Variants in LARP4B observed in about 807,000 individuals in gnomAD.
LARP4B encodes la-related protein 4B.
In LARP4B, 12 loss-of-function variants were observed where a neutral mutation model predicts 89.8. That is an observed-to-expected ratio of 0.13 (90% CI 0.09 to 0.22). The LOEUF (loss-of-function observed/expected upper bound fraction) is 0.22, where lower values mean the gene tolerates loss of function less well. Ranked by LOEUF, LARP4B falls within the 10% of genes least tolerant of loss-of-function variation. LARP4B has a pLI of 1.00. For missense variants in LARP4B, 757 were observed against 947.7 expected, an observed-to-expected ratio of 0.80 and a Z score of 2.64; for synonymous variants, 367 against 363.3, an observed-to-expected ratio of 1.01 and a Z score of -0.12.
At chr10:870,119 T>C (rs1444994360) in intron 3 of LARP4B, 1 of 801,894 alleles carries the variant, frequency 1.2e-6, no homozygotes, top group Non-Finnish European at 1.5e-6. Context: ...CTGTGGCTTA[T>C]GGTGCAGATC....
At chr10:865,378 G>A (rs954355895) in intron 3 of LARP4B, among the ~76,000 whole-genome samples, 2 of 152,126 alleles carry the variant, frequency 1.3e-5, no homozygotes, top group Non-Finnish European at 2.9e-5. Context: ...AGTCCCACAG[G>A]GCAGTCCTCT....
chr10:853,158 A>T (rs1171508091), intron 5 of LARP4B, among the ~76,000 whole-genome samples: 4 of 152,210 alleles, frequency 2.6e-5, no homozygotes, highest in Admixed American at 6.5e-5. Flanking sequence ...CAGAGTTGGA[A>T]GGCTATCACT....
the LARP4B span, among the ~76,000 whole-genome samples, chr10:977,497 C>A: frequency 1.8e-4 from 27 of 151,558 alleles, no homozygotes; most frequent in African/African-American, 6.3e-4. Flanking sequence ...CAAGATAGTG[C>A]CACTGCACTC....
At chr10:909,363 A>C (rs545088039) in intron 1 of LARP4B, among the ~76,000 whole-genome samples, 1 of 152,090 alleles carries the variant, frequency 6.6e-6, no homozygotes, top group South Asian at 2.1e-4. Flanking sequence ...CAAGCACAGA[A>C]TCCAACAACA....
At chr10:874,661 G>A (rs998533812) in intron 3 of LARP4B, among the ~76,000 whole-genome samples, 1 of 152,288 alleles carries the variant, frequency 6.6e-6, no homozygotes, top group Admixed American at 6.5e-5. Flanking sequence ...AATTCTTTTA[G>A]TTCCTCTGCA....
chr10:820,752 A>C, intron 14 of LARP4B, 48 bp downstream of exon 14: 1 of 1,479,678 alleles, frequency 6.8e-7, no homozygotes, highest in Non-Finnish European at 9.4e-7. Flanking sequence ...GTTTGGTATA[A>C]ATTAGATTTA....
In LARP4B at chr10:863,879, C is replaced by T. The variant is rs759836355; in HGVS notation, c.294G>A (p.Ser98=). 30 of 1,609,750 alleles carry T rather than the reference C, an allele frequency of 1.9e-5. No homozygotes were observed. The highest frequency in any genetic ancestry group is 8.9e-5 in the South Asian group (8 of 90,068). Residue 98 remains serine (S), a synonymous_variant, in exon 5 of 18, where the codon TCG becomes TCA. Coordinates refer to ENST00000316157, the MANE Select transcript of LARP4B (RefSeq NM_015155.3). ...CCTGGTCACCATCACCATTGGCATC[C>T]GATCCTACAATTAGGAGTTTACCCC... is the stretch of plus-strand genomic sequence containing the variant. ...GHHADRGPQG[S]DANGDGDQGH... is the part of the protein sequence containing the mutation.
intron 1 of LARP4B, among the ~76,000 whole-genome samples, chr10:895,710 G>A (rs184798930): frequency 1.3e-5 from 2 of 150,182 alleles, no homozygotes; most frequent in East Asian, 3.9e-4. Context: ...AGAAACGAAT[G>A]CAGTATGTTA....
the LARP4B span, chr10:988,164 T>G: frequency 3.1e-6 from 1 of 318,108 alleles, no homozygotes; most frequent in Non-Finnish European, 5.9e-6. Flanking sequence ...CTGAACCCGC[T>G]CCAGAAACCC....
At chr10:951,503 G>A in the LARP4B span, among the ~76,000 whole-genome samples, 6 of 151,970 alleles carry the variant, frequency 3.9e-5, no homozygotes, top group East Asian at 1.9e-4. Context: ...CCGAGATCGC[G>A]CCACTGCACT....
the LARP4B span, among the ~76,000 whole-genome samples, chr10:973,853 G>C: frequency 1.3e-5 from 2 of 152,172 alleles, no homozygotes; most frequent in Non-Finnish European, 2.9e-5. Flanking sequence ...ATACCGTGGA[G>C]TGAGAAAAGT....
intron 1 of LARP4B, among the ~76,000 whole-genome samples, chr10:922,650 G>A (rs1394884101): frequency 6.6e-6 from 1 of 151,642 alleles, no homozygotes; most frequent in African/African-American, 2.4e-5. Flanking sequence ...CCTGCAGCCT[G>A]GGCAACAGAA....
the LARP4B span, among the ~76,000 whole-genome samples, chr10:969,252 C>A: frequency 6.6e-6 from 1 of 152,292 alleles, no homozygotes; most frequent in Non-Finnish European, 1.5e-5. Flanking sequence ...ATTGTGTCTT[C>A]CTCCATTTAC....
intron 11 of LARP4B, among the ~76,000 whole-genome samples, chr10:828,832 C>G (rs1832751318): frequency 6.6e-6 from 1 of 152,174 alleles, no homozygotes. Flanking sequence ...AATTCCCACC[C>G]AGAATGCACT....
chr10:858,252 T>C (rs1041226685), intron 5 of LARP4B, among the ~76,000 whole-genome samples: 3 of 152,088 alleles, frequency 2.0e-5, no homozygotes, highest in Non-Finnish European at 4.4e-5. Flanking sequence ...CTTGCATACA[T>C]GGCCAATTGT....
At chr10:862,104 A>G in intron 5 of LARP4B, among the ~76,000 whole-genome samples, 1 of 152,138 alleles carries the variant, frequency 6.6e-6, no homozygotes, top group Non-Finnish European at 1.5e-5. Context: ...GATTTAGAAA[A>G]CTGCTCATGT....
At chr10:842,489 C>A (rs1218194622) in intron 7 of LARP4B, among the ~76,000 whole-genome samples, 1 of 152,170 alleles carries the variant, frequency 6.6e-6, no homozygotes, top group East Asian at 1.9e-4. Context: ...AGCCACCACA[C>A]CTGGCCCACA....
At chr10:877,196 C>G (rs972046305) in intron 3 of LARP4B, among the ~76,000 whole-genome samples, 11 of 152,180 alleles carry the variant, frequency 7.2e-5, no homozygotes, top group Non-Finnish European at 1.6e-4. Context: ...CTCGCCAACA[C>G]AGCAAGACCC....
chr10:966,970 C>T, the LARP4B span, among the ~76,000 whole-genome samples: 5 of 152,378 alleles, frequency 3.3e-5, no homozygotes, highest in African/African-American at 1.2e-4. Context: ...AAAGGATTAT[C>T]GTCTCCAAGA....
Sources: gnomAD v4.1 joint callset for allele counts (sites outside exome capture counted in the v4.1 genomes callset) on GRCh38, gnomAD v4.1.1 for gene constraint, MANE v1.5 for transcripts, NCBI Gene and HGNC (gene_info 2026-07-23, HGNC 2026-07-21) for gene names.